The following COL24A1 variants were observed in gnomAD, a reference collection of about 807,000 sequenced individuals.
COL24A1 encodes collagen type XXIV alpha 1 chain.
In COL24A1, 224 loss-of-function variants were observed where a neutral mutation model predicts 253.9. That is an observed-to-expected ratio of 0.88 (90% CI 0.79 to 0.99). The LOEUF (loss-of-function observed/expected upper bound fraction) is 0.99, where lower values mean the gene tolerates loss of function less well. Ranked by LOEUF, COL24A1 falls within the 50% of genes least tolerant of loss-of-function variation. The pLI is 0.00. For synonymous variants in COL24A1, 685 were observed against 673.7 expected, an observed-to-expected ratio of 1.02 and a Z score of -0.26; for missense variants, 2,131 against 2,068.5, an observed-to-expected ratio of 1.03 and a Z score of -0.59.
rs746025021 is a variant in COL24A1 at position 85,838,625 on chromosome 1, TC to T, written c.3640del (p.Asp1214ThrfsTer22). On this transcript the variant is annotated frameshift_variant, in exon 43 of 60. Coordinates refer to ENST00000370571, the MANE Select transcript of COL24A1 (RefSeq NM_152890.7). LOFTEE classifies it high-confidence loss of function. ...GPRGEPGPVG[D>X]QGERGEPGAE... ...TCCAGGCTCTCCTCTCTCTCCTTGG[TC>T]CCCCACTGGACCCTACAGAGACCAC... The T allele has an allele frequency of 7.9e-5, 128 of 1,613,792 alleles. No homozygotes were observed. The highest frequency in any genetic ancestry group is 1.1e-4 in the Non-Finnish European group (126 of 1,179,846).
intron 53 of COL24A1, 64 bp downstream of exon 53, chr1:85,775,610 T>G: frequency 7.4e-7 from 1 of 1,346,158 alleles, no homozygotes. Context: ...ACAGGGTCCT[T>G]GCTTTCATGG....
chr1:85,807,087 C>A (rs1301689137), intron 47 of COL24A1, among the ~76,000 whole-genome samples: 2 of 152,204 alleles, frequency 1.3e-5, no homozygotes, highest in Non-Finnish European at 2.9e-5. Flanking sequence ...TCCTGCTTAA[C>A]CTTCCTGGCT....
At chr1:86,098,374 A>G (rs1023929501) in intron 5 of COL24A1, among the ~76,000 whole-genome samples, 5 of 149,356 alleles carry the variant, frequency 3.3e-5, no homozygotes, top group African/African-American at 7.4e-5. Flanking sequence ...AAGGAGAGGA[A>G]GAAAAGAAAG....
intron 45 of COL24A1, among the ~76,000 whole-genome samples, chr1:85,821,880 T>C (rs1673656112): frequency 6.6e-6 from 1 of 152,136 alleles, no homozygotes; most frequent in South Asian, 2.1e-4. Context: ...CCTCTCAAGA[T>C]GGAAAAAGAA....
At chr1:85,859,280 A>G (rs967221593) in intron 37 of COL24A1, among the ~76,000 whole-genome samples, 1 of 152,218 alleles carries the variant, frequency 6.6e-6, no homozygotes, top group East Asian at 1.9e-4. Context: ...ACAGTAAGGT[A>G]GTCTATTAGG....
At chr1:85,968,767 A>G (rs2100744069) in intron 22 of COL24A1, among the ~76,000 whole-genome samples, 1 of 152,242 alleles carries the variant, frequency 6.6e-6, no homozygotes, top group East Asian at 1.9e-4. Flanking sequence ...AGAGTTATAC[A>G]TATTTACATT....
In COL24A1 at chr1:85,869,195, G is replaced by A. The variant is rs185175202; in HGVS notation, c.3139-360C>T. On this transcript the variant is annotated intron_variant, in intron 35 of 59. Transcript: ENST00000370571. ...AAATACTGCATCTCATAAAGTTATAGTGCTTTGCTATATTGTATTTACATG... is the reference window on the plus strand; with the variant it reads ...AAATACTGCATCTCATAAAGTTATAATGCTTTGCTATATTGTATTTACATG... 2.5e-3 allele frequency among the ~76,000 whole-genome samples: 377 copies of A among 152,228 alleles called. 1 individual carries two copies. Among genetic ancestry groups the A allele is most frequent in the African/African-American group, 6.4e-3 (264 of 41,554 alleles).
intron 24 of COL24A1, among the ~76,000 whole-genome samples, chr1:85,933,763 T>C (rs975110007): frequency 2.0e-5 from 3 of 152,210 alleles, no homozygotes; most frequent in African/African-American, 4.8e-5. Context: ...GAAATGGTCA[T>C]AATTTATTTA....
At chr1:85,878,522 T>C (rs1365917885) in intron 32 of COL24A1, among the ~76,000 whole-genome samples, 1 of 152,220 alleles carries the variant, frequency 6.6e-6, no homozygotes, top group Non-Finnish European at 1.5e-5. Context: ...TTTGCACCTA[T>C]AAATAAAGCT....
intron 45 of COL24A1, among the ~76,000 whole-genome samples, chr1:85,820,059 G>A (rs1673461610): frequency 6.6e-6 from 1 of 152,074 alleles, no homozygotes; most frequent in South Asian, 2.1e-4. Flanking sequence ...TGTTGGCCAG[G>A]CTGGTCTTGA....
At chr1:86,049,164 C>G (rs764688071) in intron 11 of COL24A1, among the ~76,000 whole-genome samples, 58 of 152,172 alleles carry the variant, frequency 3.8e-4, no homozygotes, top group Non-Finnish European at 1.5e-4. Flanking sequence ...TTGAACAAAA[C>G]AACTTGCTAT....
intron 2 of COL24A1, among the ~76,000 whole-genome samples, chr1:86,134,599 G>A (rs1234351748): frequency 1.3e-5 from 2 of 150,754 alleles, no homozygotes; most frequent in African/African-American, 2.4e-5. Flanking sequence ...CCTTCATTTC[G>A]GTATGTACCC....
chr1:85,747,199 C>T (rs1284373054), intron 55 of COL24A1, among the ~76,000 whole-genome samples: 2 of 148,476 alleles, frequency 1.3e-5, no homozygotes, highest in East Asian at 4.0e-4. Context: ...GCAACCTCCG[C>T]TTCCCAGGTT....
chr1:85,991,149 A>T (rs1694224062), intron 19 of COL24A1, among the ~76,000 whole-genome samples: 1 of 152,206 alleles, frequency 6.6e-6, no homozygotes, highest in South Asian at 2.1e-4. Flanking sequence ...AAACCTGAAT[A>T]TGGTAAGGTC....
Position 86,048,652 on chromosome 1 carries a change from G to A in COL24A1, c.1905+1472C>T, listed in dbSNP as rs138470582. 6.4e-3 allele frequency among the ~76,000 whole-genome samples: 972 copies of A among 152,082 alleles called. 12 individuals carry two copies. Among genetic ancestry groups the A allele is most frequent in the African/African-American group, 0.023 (943 of 41,496 alleles). On this transcript the variant is annotated intron_variant, in intron 11 of 59. Transcript: ENST00000370571. ...ACTACAGGCGCCCACCACCAGGCCC[G>A]GCTAATTTTTTGTATTTTTAGTAGA...
At position 85,938,467 on chromosome 1, in the gene COL24A1, T is replaced by A. The variant is rs1216524136; in HGVS notation, c.2562+22782A>T. Among the ~76,000 whole-genome samples the A allele has an allele frequency of 1.4e-5, 2 of 146,780 alleles. 1 individual carries two copies. The highest frequency in any genetic ancestry group is 3.0e-5 in the Non-Finnish European group (2 of 66,510). ...CCATCTTGGCACAGTTAATTCACCC[T>A]GATCATCAGAAGAGGGAGAAGATTA... On this transcript the variant is annotated intron_variant, in intron 24 of 59. Coordinates refer to ENST00000370571, the MANE Select transcript of COL24A1 (RefSeq NM_152890.7).
intron 7 of COL24A1, among the ~76,000 whole-genome samples, chr1:86,068,846 G>A (rs1349230900): frequency 6.6e-6 from 1 of 152,006 alleles, no homozygotes; most frequent in African/African-American, 2.4e-5. Context: ...CCTAGCTCTG[G>A]GATAACATTT....
chr1:85,820,180 C>T (rs767758325), intron 45 of COL24A1, among the ~76,000 whole-genome samples: 1 of 152,090 alleles, frequency 6.6e-6, no homozygotes, highest in African/African-American at 2.4e-5. Flanking sequence ...TGGATAGAAA[C>T]ACTAATGCTC....
chr1:85,747,134 T>G (rs1421568357), intron 55 of COL24A1, among the ~76,000 whole-genome samples: 1 of 140,604 alleles, frequency 7.1e-6, no homozygotes, highest in Non-Finnish European at 1.5e-5. Context: ...TAATTTGAGA[T>G]GGAGTCTCGC....
Sources: allele counts gnomAD v4.1 joint callset (sites outside exome capture counted in the v4.1 genomes callset), GRCh38; gene constraint gnomAD v4.1.1; transcripts MANE v1.5; gene names NCBI Gene and HGNC (gene_info 2026-07-23, HGNC 2026-07-21).